Variants in SEM1 observed in about 807,000 individuals in gnomAD.
SEM1 encodes SEM1 26S proteasome subunit, also known as 26S proteasome complex subunit SEM1.
Under a neutral mutation model 12.7 loss-of-function variants are expected in SEM1, and 3 were observed. The observed-to-expected ratio is 0.24, with a 90% CI of 0.11 to 0.61. SEM1 has a LOEUF of 0.61. Among genes scored for constraint, SEM1 ranks in the 20% least tolerant of loss-of-function variants. The pLI, the probability that SEM1 is intolerant of heterozygous loss-of-function variation, is 0.88. For missense variants in SEM1, 59 were observed against 81.3 expected (o/e 0.73, Z 1.06); for synonymous variants, 30 against 27.8 (o/e 1.08, Z -0.25).
At chr7:96,660,880 T>A (rs1006915214) in intron 2 of SEM1, among the ~76,000 whole-genome samples, 1 of 152,106 alleles carries the variant, frequency 6.6e-6, no homozygotes, top group Admixed American at 6.6e-5. Context: ...AAAACGAATA[T>A]ATAAAAATGA....
rs1023883874 is a variant in SEM1, at chr7:96,564,426, T to A, written c.171-57728A>T. 1.3e-4 allele frequency among the ~76,000 whole-genome samples: 19 copies of A among 151,830 alleles called. 1 individual carries two copies. The highest frequency in any genetic ancestry group is 1.2e-3 in the Admixed American group (18 of 15,230). ...TTGGTGATGCCATCCAAAAAAAAAA[T>A]AAAAATTATTTCCCAGCTCTCATTG... On this transcript the variant is annotated intron_variant and NMD_transcript_variant, in intron 2 of 3. Coordinates refer to the SEM1 transcript ENST00000466986.
At chr7:96,693,045 G>A (rs1319632790) in intron 2 of SEM1, among the ~76,000 whole-genome samples, 1 of 151,798 alleles carries the variant, frequency 6.6e-6, no homozygotes, top group Non-Finnish European at 1.5e-5. Context: ...AAAGTAGATA[G>A]GTAAAATTAT....
chr7:96,622,518 G>A (rs1003671947), downstream of SEM1: 3 of 696,904 alleles, frequency 4.3e-6, no homozygotes, highest in East Asian at 2.5e-5. Flanking sequence ...GTTGCTGGAA[G>A]CTCTCATATG....
chr7:96,572,539 T>C (rs1273948343), intron 2 of SEM1, among the ~76,000 whole-genome samples: 3 of 152,200 alleles, frequency 2.0e-5, no homozygotes, highest in African/African-American at 7.2e-5. Context: ...TTTCATTATT[T>C]ACCCAGTAGT....
At chr7:96,496,240 T>C (rs1389837663) in intron 1 of SEM1, 2 of 1,300,548 alleles carry the variant, frequency 1.5e-6, no homozygotes, top group Admixed American at 4.1e-5. Flanking sequence ...GAGGATTATA[T>C]TTAATAAAAG....
chr7:96,528,065 C>T (rs1804524347), intron 2 of SEM1, among the ~76,000 whole-genome samples: 1 of 152,096 alleles, frequency 6.6e-6, no homozygotes. Flanking sequence ...CCAGTGGACT[C>T]AGAACTGCTT....
chr7:96,689,866 T>C lies in SEM1; in HGVS notation c.171-900A>G, dbSNP rs187028762. On this transcript the variant is annotated intron_variant, in intron 2 of 2. Transcript: ENST00000248566. The stretch of plus-strand genomic sequence containing the variant: ...AGTGCAAGACTCTGACTCTGGCCCT[T>C]CCTTTGCTAACTAATTTGCTTCCTT... Among the ~76,000 whole-genome samples the C allele has an allele frequency of 3.3e-3, 499 of 152,318 alleles. 2 individuals are homozygous for C. The highest frequency in any genetic ancestry group is 5.3e-3 in the Non-Finnish European group (362 of 68,022).
intron 2 of SEM1, among the ~76,000 whole-genome samples, chr7:96,510,917 G>T (rs1486658652): frequency 6.6e-6 from 1 of 152,094 alleles, no homozygotes; most frequent in East Asian, 1.9e-4. Flanking sequence ...TGTCCTGAAA[G>T]CTGATTGACC....
intron 2 of SEM1, among the ~76,000 whole-genome samples, chr7:96,652,768 T>C (rs12216616): frequency 0.17 from 26,295 of 152,148 alleles, 2,295 homozygotes; most frequent in South Asian, 0.21. Context: ...GTTAATTGTG[T>C]GAATTAAAAC....
chr7:96,571,617 T>C (rs1030988842), intron 2 of SEM1, among the ~76,000 whole-genome samples: 4 of 151,566 alleles, frequency 2.6e-5, no homozygotes, highest in South Asian at 2.1e-4. Context: ...TACATACATA[T>C]GTATGTATGC....
chr7:96,579,991 T>G (rs1342720472), intron 2 of SEM1, among the ~76,000 whole-genome samples: 1 of 151,806 alleles, frequency 6.6e-6, no homozygotes, highest in Non-Finnish European at 1.5e-5. Context: ...TATTATACTT[T>G]AAGTTTTAGG....
upstream of SEM1, among the ~76,000 whole-genome samples, chr7:96,497,462 T>A (rs998597972): frequency 6.6e-6 from 1 of 152,178 alleles, no homozygotes; most frequent in Non-Finnish European, 1.5e-5. Flanking sequence ...ATGCTTAAAT[T>A]GATACATGTA....
At chr7:96,541,786 G>A (rs75512127) in intron 2 of SEM1, among the ~76,000 whole-genome samples, 3,041 of 151,530 alleles carry the variant, frequency 0.02, 108 homozygotes, top group African/African-American at 0.069. Context: ...TAAAAGGTAG[G>A]TGCTGTTTCA....
chr7:96,704,553 T>C (rs2116025241), intron 1 of SEM1, among the ~76,000 whole-genome samples: 1 of 152,330 alleles, frequency 6.6e-6, no homozygotes, highest in South Asian at 2.1e-4. Flanking sequence ...AAAACTTTCT[T>C]CTTGCACACA....
intron 2 of SEM1, among the ~76,000 whole-genome samples, chr7:96,580,414 A>G (rs1179873046): frequency 2.8e-4 from 43 of 151,080 alleles, no homozygotes; most frequent in African/African-American, 9.9e-4. Flanking sequence ...ATGGTGAATA[A>G]TGCCGCAATA....
intron 1 of SEM1, among the ~76,000 whole-genome samples, chr7:96,494,481 A>G (rs1803160391): frequency 6.6e-6 from 1 of 152,096 alleles, no homozygotes; most frequent in African/African-American, 2.4e-5. Context: ...ACAGTTTCAC[A>G]CCTTATAGTA....
intron 2 of SEM1, among the ~76,000 whole-genome samples, chr7:96,536,244 C>A (rs1475363243): frequency 1.3e-5 from 2 of 151,608 alleles, no homozygotes; most frequent in African/African-American, 4.8e-5. Context: ...TTCCAGCTAT[C>A]TTTCTGTTAC....
chr7:96,606,080 G>A (rs1016578621), intron 2 of SEM1, among the ~76,000 whole-genome samples: 2 of 152,104 alleles, frequency 1.3e-5, no homozygotes, highest in Non-Finnish European at 2.9e-5. Flanking sequence ...AGCAATGTTG[G>A]CATATTGTTA....
intron 2 of SEM1, among the ~76,000 whole-genome samples, chr7:96,522,840 A>G (rs1361473442): frequency 3.3e-5 from 5 of 149,650 alleles, no homozygotes; most frequent in Non-Finnish European, 7.4e-5. Context: ...GCAGTGAGCC[A>G]AGATCACATC....
Sources: allele counts gnomAD v4.1 joint callset (sites outside exome capture counted in the v4.1 genomes callset), GRCh38; gene constraint gnomAD v4.1.1; transcripts MANE v1.5; gene names NCBI Gene and HGNC (gene_info 2026-07-23, HGNC 2026-07-21).